The following ANLN variants were observed in gnomAD, a reference collection of about 807,000 sequenced individuals.
ANLN encodes anillin, actin binding protein, also known as anillin.
ANLN carries 59 observed loss-of-function variants against 135.1 expected under a neutral mutation model. The ratio of observed to expected loss-of-function variants is 0.44; its 90% CI spans 0.35 to 0.54. The LOEUF (loss-of-function observed/expected upper bound fraction) is 0.54, where lower values mean the gene tolerates loss of function less well. ANLN is among the 20% of genes least tolerant of loss of function. The pLI, the probability that ANLN is intolerant of heterozygous loss-of-function variation, is 0.00. For synonymous variants in ANLN, 406 were observed against 456.4 expected, an observed-to-expected ratio of 0.89 and a Z score of 1.41; for missense variants, 1,182 against 1,340.0, an observed-to-expected ratio of 0.88 and a Z score of 1.84.
intron 22 of ANLN, among the ~76,000 whole-genome samples, chr7:36,446,806 CAT>C (rs1789020510): frequency 6.6e-6 from 1 of 152,198 alleles, no homozygotes; most frequent in African/African-American, 2.4e-5. Context: ...TGCCATTTCT[CAT>C]GTGTATCAAG....
rs749613147 is a variant in ANLN, at chr7:36,410,630, A to G, written c.1213A>G (p.Lys405Glu). The change falls in exon 6 of 24, where the codon AAG becomes GAG. Residue 405 changes from lysine to glutamate, a missense_variant. Lys to Glu is a moderately conservative substitution (Grantham distance 56). Coordinates refer to ENST00000265748, the MANE Select transcript of ANLN (RefSeq NM_018685.5). ...HRTPIITPNTKAIQERLFKQD... is the reference protein window; with the variant it reads ...HRTPIITPNTEAIQERLFKQD... ...AACCCCCATTATTACTCCAAATACA[A>G]AGGCCATCCAAGAAAGATTATTCAA... 6.2e-7 allele frequency: 1 copy of G among 1,614,154 alleles called. No individual in the cohort carries two copies. Among genetic ancestry groups the G allele is most frequent in the South Asian group, 1.1e-5 (1 of 91,090 alleles).
chr7:36,452,648 A>T lies in ANLN; in HGVS notation c.*48A>T. The T allele has an allele frequency of 6.2e-7, 1 of 1,601,650 alleles. No individual in the cohort carries two copies. The highest frequency in any genetic ancestry group is 8.5e-7 in the Non-Finnish European group (1 of 1,171,828). On this transcript the variant is annotated 3_prime_UTR_variant, in exon 24 of 24. Coordinates refer to ENST00000265748, the MANE Select transcript of ANLN (RefSeq NM_018685.5). ...TAGAGGTTTTTGATGTCATCTTAAG[A>T]AACACACTTAAGAGCATCAGATTTA...
chr7:36,425,379 C>T (rs561534486), intron 17 of ANLN, among the ~76,000 whole-genome samples: 80 of 150,850 alleles, frequency 5.3e-4, no homozygotes, highest in Non-Finnish European at 1.0e-3. Flanking sequence ...ACTGCAACCT[C>T]CACCTCCCAG....
At chr7:36,450,172 C>G (rs1789186774) in intron 23 of ANLN, among the ~76,000 whole-genome samples, 2 of 152,190 alleles carry the variant, frequency 1.3e-5, no homozygotes, top group Admixed American at 1.3e-4. Context: ...AGAGACTTTA[C>G]ACATCCCTTC....
chr7:36,445,801 C>T lies in ANLN; in HGVS notation c.3078+1939C>T, dbSNP rs867212002. Reference sequence around the variant, plus strand: ...TACAACTTGATTTTGTCAAATGAGTCTCAAAAGTGGTTGTACGATTTTCCA... The same window carrying T: ...TACAACTTGATTTTGTCAAATGAGTTTCAAAAGTGGTTGTACGATTTTCCA... On this transcript the variant is annotated intron_variant, in intron 22 of 23. Transcript: ENST00000265748. 3.3e-5 allele frequency among the ~76,000 whole-genome samples: 5 copies of T among 152,156 alleles called. No homozygotes were observed. In the South Asian group the frequency reaches 1.0e-3, roughly 32 times the overall value.
intron 1 of ANLN, 34 bp downstream of exon 1, chr7:36,390,078 C>A (rs186842944): frequency 2.5e-6 from 4 of 1,612,952 alleles, no homozygotes; most frequent in Non-Finnish European, 3.4e-6. Context: ...CAGCCATGAC[C>A]CACCGCTCTA....
chr7:36,451,181 G>A (rs1371184669), intron 23 of ANLN, among the ~76,000 whole-genome samples: 1 of 152,222 alleles, frequency 6.6e-6, no homozygotes, highest in Non-Finnish European at 1.5e-5. Flanking sequence ...TTGCCTCACT[G>A]ATGTGTTTCC....
intron 6 of ANLN, 57 bp from the exon 7 acceptor site, chr7:36,411,002 T>C: frequency 6.8e-7 from 1 of 1,470,540 alleles, no homozygotes; most frequent in Non-Finnish European, 9.2e-7. Flanking sequence ...TTAGTAGTGT[T>C]TGGATGTTAA....
chr7:36,447,845 T>C (rs1238189352), intron 22 of ANLN, among the ~76,000 whole-genome samples: 1 of 152,146 alleles, frequency 6.6e-6, no homozygotes, highest in Non-Finnish European at 1.5e-5. Flanking sequence ...TTAATATTTT[T>C]CAACTATGGT....
Position 36,420,220 on chromosome 7 carries a change from G to GA in ANLN, c.1924dup (p.Ser642LysfsTer16). 6.2e-7 allele frequency: 1 copy of GA among 1,614,044 alleles called. No homozygotes were observed. The highest frequency in any genetic ancestry group is 8.5e-7 in the Non-Finnish European group (1 of 1,179,954). On this transcript the variant is annotated frameshift_variant, in exon 11 of 24. Coordinates refer to ENST00000265748, the MANE Select transcript of ANLN (RefSeq NM_018685.5). LOFTEE classifies it high-confidence loss of function. ...ATTGAAAGACACCAGCAGAAGTGAT[G>GA]AAAGTCCAAAACCAGGAAAATTCCA...
intron 22 of ANLN, among the ~76,000 whole-genome samples, chr7:36,445,658 G>T (rs1788965342): frequency 6.6e-6 from 1 of 151,966 alleles, no homozygotes; most frequent in South Asian, 2.1e-4. Flanking sequence ...ATTTTGTTTT[G>T]GTTTGTACCT....
chr7:36,392,738 G>A (rs1161788216), intron 1 of ANLN, among the ~76,000 whole-genome samples: 1 of 151,310 alleles, frequency 6.6e-6, no homozygotes, highest in Non-Finnish European at 1.5e-5. Context: ...ATCTTTTTTT[G>A]TGTATCTATT....
At chr7:36,422,913 T>G (rs1787937954) in intron 14 of ANLN, 104 bp downstream of exon 14, 2 of 1,124,074 alleles carry the variant, frequency 1.8e-6, no homozygotes, top group Non-Finnish European at 2.5e-6. Flanking sequence ...ATGCAAAGTT[T>G]GTATCTTTGG....
intron 2 of ANLN, among the ~76,000 whole-genome samples, chr7:36,398,599 A>C (rs1782715642): frequency 6.6e-6 from 1 of 152,144 alleles, no homozygotes; most frequent in Non-Finnish European, 1.5e-5. Context: ...TATTTTGAAA[A>C]TATGATTTAA....
At chr7:36,402,364 C>T (rs951579706) in intron 3 of ANLN, among the ~76,000 whole-genome samples, 4 of 151,658 alleles carry the variant, frequency 2.6e-5, no homozygotes, top group African/African-American at 7.3e-5. Flanking sequence ...CCACCCGCCT[C>T]GGCCTCCCAA....
rs552959605 is a variant in ANLN at position 36,436,662 on chromosome 7, G to T, written c.2884-2542G>T. On this transcript the variant is annotated intron_variant, in intron 20 of 23. Coordinates refer to ENST00000265748, the MANE Select transcript of ANLN (RefSeq NM_018685.5). ...TTTTTAAATTATAACCATCCTAGTGGGTGTGAAGTGGTTCCTCATTGTAGG... is the reference window on the plus strand; with the variant it reads ...TTTTTAAATTATAACCATCCTAGTGTGTGTGAAGTGGTTCCTCATTGTAGG... Among the ~76,000 whole-genome samples, 12 of 152,194 alleles carry T rather than the reference G, an allele frequency of 7.9e-5. 1 individual carries two copies. In the South Asian group the frequency reaches 1.9e-3, roughly 24 times the overall value.
intron 3 of ANLN, among the ~76,000 whole-genome samples, chr7:36,405,372 G>A (rs966190785): frequency 1.4e-4 from 22 of 152,204 alleles, no homozygotes; most frequent in African/African-American, 4.8e-4. Flanking sequence ...GTGCAGACAA[G>A]AGTTTGTAGA....
intron 18 of ANLN, 116 bp downstream of exon 18, chr7:36,425,856 A>G (rs1788057924): frequency 8.5e-7 from 1 of 1,178,904 alleles, no homozygotes; most frequent in Non-Finnish European, 1.2e-6. Flanking sequence ...TTTAACATGT[A>G]CTAATGGGGG....
At chr7:36,406,753 C>T (rs1409499328) in intron 4 of ANLN, among the ~76,000 whole-genome samples, 187 bp downstream of exon 4, 5 of 152,074 alleles carry the variant, frequency 3.3e-5, no homozygotes, top group Non-Finnish European at 5.9e-5. Flanking sequence ...GGGTACCCAT[C>T]CCAAGATCAA....
Sources: allele counts gnomAD v4.1 joint callset (sites outside exome capture counted in the v4.1 genomes callset), GRCh38; gene constraint gnomAD v4.1.1; transcripts MANE v1.5; gene names NCBI Gene and HGNC (gene_info 2026-07-23, HGNC 2026-07-21).